The following CCDC183 variants were observed in gnomAD, a reference collection of about 807,000 sequenced individuals.
The protein encoded by CCDC183 is coiled-coil domain-containing protein 183.
A neutral mutation model predicts 65.2 loss-of-function variants in CCDC183; 63 were observed. The observed-to-expected ratio is 0.97, with a 90% confidence interval of 0.79 to 1.19. The LOEUF (loss-of-function observed/expected upper bound fraction) is 1.19. CCDC183 is among the 50% of genes most tolerant of loss of function. The pLI is 0.00. For missense variants in CCDC183, 769 were observed against 689.3 expected, an observed-to-expected ratio of 1.12 and a Z score of -1.30; for synonymous variants, 323 against 276.5, an observed-to-expected ratio of 1.17 and a Z score of -1.67.
chr9:136,805,549 G>A, intron 9 of CCDC183, 92 bp downstream of exon 9: 1 of 1,210,572 alleles, frequency 8.3e-7, no homozygotes, highest in Non-Finnish European at 1.2e-6. Context: ...GAGCATGGCA[G>A]GAGGGTGGCT....
intron 5 of CCDC183, among the ~76,000 whole-genome samples, chr9:136,801,153 T>C (rs1847731487): frequency 6.6e-6 from 1 of 152,068 alleles, no homozygotes. Context: ...GGAAGTGCAG[T>C]TTAGGAGGAG....
At chr9:136,805,612 C>G (rs999246233) in intron 9 of CCDC183, 155 bp downstream of exon 9, 1 of 611,690 alleles carries the variant, frequency 1.6e-6, no homozygotes, top group Non-Finnish European at 2.9e-6. Flanking sequence ...AGTGGCAACT[C>G]CCTCGGCCGC....
rs1309220629 is a variant in CCDC183, at chr9:136,804,780, T to G, written c.811T>G (p.Phe271Val). Residue 271 changes from phenylalanine (F) to valine (V), a missense_variant, in exon 8 of 14, where the codon TTC becomes GTC. Physicochemically the swap from Phe to Val is conservative, Grantham distance 50. Coordinates refer to ENST00000338005, the MANE Select transcript of CCDC183 (RefSeq NM_001039374.5). This position sits in a 1 kb window ranked among gnomAD's most constrained non-coding sequence, Gnocchi z 4.1. Reference sequence around the variant, plus strand: ...CCATCAGGGCCAGATGGACTTGGACTTCCCCTCGAACCTGATGAGCACGGA... The same window carrying G: ...CCATCAGGGCCAGATGGACTTGGACGTCCCCTCGAACCTGATGAGCACGGA... ...KYRRGQMDLD[F>V]PSNLMSTETL... 6.2e-7 allele frequency: 1 copy of G among 1,613,530 alleles called. No homozygotes were observed. Among genetic ancestry groups the G allele is most frequent in the South Asian group, 1.1e-5 (1 of 91,056 alleles).
At position 136,799,142 on chromosome 9, in the gene CCDC183, T is replaced by C. The variant is rs1378804326; in HGVS notation, c.111T>C (p.Asn37=). 2 of 1,613,468 alleles carry C rather than the reference T, an allele frequency of 1.2e-6. No homozygotes were observed. The highest frequency in any genetic ancestry group is 1.3e-5 in the African/African-American group (1 of 75,054). Residue 37 remains asparagine, a synonymous_variant, in exon 2 of 14, where the codon AAT becomes AAC. Coordinates refer to ENST00000338005, the MANE Select transcript of CCDC183 (RefSeq NM_001039374.5). Reference sequence around the variant, plus strand: ...TCCAGATCCAAGGGGTGAAAGAGAATATGGACCAGAACAAGGCCACGCTGG... The same window carrying C: ...TCCAGATCCAAGGGGTGAAAGAGAACATGGACCAGAACAAGGCCACGCTGG... The part of the protein sequence containing the change: ...RALQIQGVKE[N]MDQNKATLAL...
rs774924189 is a variant in CCDC183, at chr9:136,806,596, A to T, written c.1202A>T (p.Glu401Val). The change falls in exon 11 of 14, where the codon GAG becomes GTG. Residue 401 changes from glutamate (E) to valine (V), a missense_variant. Transcript: ENST00000338005. Reference sequence around the variant, plus strand: ...CACAGCAACATGACCAAGGGCCAGGAGCTGCTGCTGACCATCCAGATGGGC... The same window carrying T: ...CACAGCAACATGACCAAGGGCCAGGTGCTGCTGCTGACCATCCAGATGGGC... ...LAHSNMTKGQ[E>V]LLLTIQMGID... 29 of 1,613,660 alleles carry T rather than the reference A, an allele frequency of 1.8e-5. No homozygotes were observed. Among genetic ancestry groups the T allele is most frequent in the Non-Finnish European group, 2.5e-5 (29 of 1,180,040 alleles).
chr9:136,806,686 G>A lies in CCDC183; in HGVS notation c.1278+14G>A, dbSNP rs1437743330. The A allele has an allele frequency of 6.2e-7, 1 of 1,613,318 alleles. No homozygotes were observed. Among genetic ancestry groups the A allele is most frequent in the Non-Finnish European group, 8.5e-7 (1 of 1,179,986 alleles). ...CCTGCGACCCAGGTACCGGGAGTGA[G>A]GCTGAGCTGCCACACACCAGGTCCC... On this transcript the variant is annotated intron_variant, in intron 11 of 13. Transcript: ENST00000338005.
intron 13 of CCDC183, 94 bp from the exon 14 acceptor site, chr9:136,807,478 G>A: frequency 7.0e-7 from 1 of 1,434,992 alleles, no homozygotes; most frequent in Non-Finnish European, 9.2e-7. Flanking sequence ...AAGGCACCTG[G>A]CCCGGGTCGG....
rs146481287 is a variant in CCDC183, at chr9:136,804,490, G to A, written c.667-12G>A. ...CAGCTCCCCAACCCTGTGCCCACCCGCATGTCCCCAGAGGAACATGAGGCA... is the reference window on the plus strand; with the variant it reads ...CAGCTCCCCAACCCTGTGCCCACCCACATGTCCCCAGAGGAACATGAGGCA... On this transcript the variant is annotated splice_polypyrimidine_tract_variant and intron_variant, in intron 6 of 13. Transcript: ENST00000338005. The surrounding 1 kb of genome is among the most constrained non-coding windows in gnomAD (Gnocchi z 4.1). 1.7e-4 allele frequency: 279 copies of A among 1,610,432 alleles called. No homozygotes were observed. In the African/African-American group the frequency reaches 2.4e-3, roughly 14 times the overall value.
At position 136,802,802 on chromosome 9, in the gene CCDC183, A is replaced by T; in HGVS notation, c.666+16A>T. The T allele has an allele frequency of 6.4e-7, 1 of 1,558,100 alleles. No homozygotes were observed. Among genetic ancestry groups the T allele is most frequent in the Non-Finnish European group, 8.6e-7 (1 of 1,156,624 alleles). On this transcript the variant is annotated intron_variant, in intron 6 of 13. Transcript: ENST00000338005. ...TGAGGTCAAGGTGAGCTCAGGGCCC[A>T]GGGCTGGGGGCCCCCCAGGGCCAGC...
intron 3 of CCDC183, 71 bp from the exon 4 acceptor site, chr9:136,799,931 G>A (rs1847709958): frequency 1.3e-6 from 2 of 1,513,844 alleles, no homozygotes; most frequent in Admixed American, 2.0e-5. Flanking sequence ...GCCTCCACCC[G>A]CCCGCCTGCT....
chr9:136,800,298 G>C, intron 4 of CCDC183, 91 bp from the exon 5 acceptor site: 1 of 1,458,720 alleles, frequency 6.9e-7, no homozygotes, highest in Non-Finnish European at 9.3e-7. Flanking sequence ...GGGGCTAAGA[G>C]AGCACGACCC....
Position 136,802,782 on chromosome 9 carries a change from T to C in CCDC183, c.662T>C (p.Val221Ala), listed in dbSNP as rs1847757484. 1.3e-6 allele frequency: 2 copies of C among 1,594,590 alleles called. No individual in the cohort carries two copies. Among genetic ancestry groups the C allele is most frequent in the Admixed American group, 3.4e-5 (2 of 58,520 alleles). The change falls in exon 6 of 14, where the codon GTC becomes GCC. Residue 221 changes from valine (V) to alanine (A), a missense_variant. Transcript: ENST00000338005. The part of the protein sequence containing the change: ...SQDAMMITDE[V>A]KRNMRQREAS... ...GATGCCATGATGATCACGGATGAGG[T>C]CAAGGTGAGCTCAGGGCCCAGGGCT... is the stretch of plus-strand genomic sequence containing the variant.
chr9:136,798,189 A>G lies in CCDC183; in HGVS notation c.71-913A>G, dbSNP rs557540700. Among the ~76,000 whole-genome samples the G allele has an allele frequency of 3.9e-5, 6 of 152,050 alleles. No individual in the cohort carries two copies. The East Asian group carries it at 1.2e-3, about 29-fold the overall frequency. On this transcript the variant is annotated intron_variant, in intron 1 of 13. Transcript: ENST00000338005. Reference sequence around the variant, plus strand: ...CCCAGCTAATTTTTGTATTTTTAGTAGAGACGGGGTTTACCCATCTTGGCC... The same window carrying G: ...CCCAGCTAATTTTTGTATTTTTAGTGGAGACGGGGTTTACCCATCTTGGCC...
At chr9:136,799,937 C>T in intron 3 of CCDC183, 65 bp from the exon 4 acceptor site, 1 of 1,540,334 alleles carries the variant, frequency 6.5e-7, no homozygotes, top group East Asian at 2.4e-5. Flanking sequence ...ACCCGCCCGC[C>T]TGCTGGCGGG....
At position 136,796,344 on chromosome 9, in the gene CCDC183, A is replaced by G; in HGVS notation, c.-54A>G. The G allele has an allele frequency of 8.3e-7, 1 of 1,211,224 alleles. No individual in the cohort carries two copies. Among genetic ancestry groups the G allele is most frequent in the Middle Eastern group, 1.9e-4 (1 of 5,326 alleles). The allele number at this position is 1,211,224 out of a possible 1,614,324, so 75.0% of individuals were successfully genotyped here. A position where few individuals can be genotyped will look rare whatever the true frequency, so the allele number is the denominator to read the frequency against. ...CTGAGTGGCGGCTCTGAGCAAGCTG[A>G]GCCCAGGGAGGCTTTGAGGTACACA... On this transcript the variant is annotated 5_prime_UTR_variant, in exon 1 of 14. Coordinates refer to ENST00000338005, the MANE Select transcript of CCDC183 (RefSeq NM_001039374.5).
chr9:136,799,515 T>C (rs776626345), intron 2 of CCDC183, 198 bp from the exon 3 acceptor site: 23 of 665,886 alleles, frequency 3.5e-5, no homozygotes, highest in Non-Finnish European at 4.5e-5. Flanking sequence ...GGCCCTCCTC[T>C]GCATACCCCC....
At chr9:136,797,412 C>T (rs1190559553) in intron 1 of CCDC183, among the ~76,000 whole-genome samples, 1 of 151,704 alleles carries the variant, frequency 6.6e-6, no homozygotes, top group Non-Finnish European at 1.5e-5. Flanking sequence ...CCCCTGGGCC[C>T]ACTGTTCTTT....
At chr9:136,807,538 AG>A in intron 13 of CCDC183, 33 bp from the exon 14 acceptor site, 2 of 1,560,182 alleles carry the variant, frequency 1.3e-6, no homozygotes, top group Non-Finnish European at 1.7e-6. Context: ...TAGCTGGGCT[AG>A]CCCCGTGTGC....
chr9:136,800,376 C>G lies in CCDC183; in HGVS notation c.439-13C>G, dbSNP rs775161270. ...TCCCCACGCCCTCTCACTGCGCCCTCGGTCCGCCCCAGATCATCCGCCAGC... is the reference window on the plus strand; with the variant it reads ...TCCCCACGCCCTCTCACTGCGCCCTGGGTCCGCCCCAGATCATCCGCCAGC... On this transcript the variant is annotated splice_polypyrimidine_tract_variant and intron_variant, in intron 4 of 13. Coordinates refer to ENST00000338005, the MANE Select transcript of CCDC183 (RefSeq NM_001039374.5). The G allele has an allele frequency of 6.2e-7, 1 of 1,601,484 alleles. No homozygotes were observed. Among genetic ancestry groups the G allele is most frequent in the Non-Finnish European group, 8.5e-7 (1 of 1,173,310 alleles).
Sources: gnomAD v4.1 joint callset for allele counts (sites outside exome capture counted in the v4.1 genomes callset) on GRCh38, gnomAD v4.1.1 for gene constraint, Gnocchi (gnomAD v3.1) non-coding constraint, MANE v1.5 for transcripts, NCBI Gene and HGNC (gene_info 2026-07-23, HGNC 2026-07-21) for gene names.